The following ADAM23 variants were observed in gnomAD, a reference collection of about 807,000 sequenced individuals.
The protein encoded by ADAM23 is disintegrin and metalloproteinase domain-containing protein 23.
In ADAM23, 33 loss-of-function variants were observed where a neutral mutation model predicts 120.1. The observed-to-expected ratio is 0.27, with a 90% CI of 0.21 to 0.37. The LOEUF is 0.37. Ranked by LOEUF, ADAM23 falls within the 10% of genes least tolerant of loss-of-function variation. The pLI is 1.00. For synonymous variants in ADAM23, 367 were observed against 375.2 expected, an observed-to-expected ratio of 0.98 and a Z score of 0.25; for missense variants, 862 against 1,058.2, an observed-to-expected ratio of 0.81 and a Z score of 2.57.
intron 3 of ADAM23, among the ~76,000 whole-genome samples, chr2:206,500,406 A>G (rs1696363556): frequency 1.3e-5 from 2 of 152,180 alleles, no homozygotes; most frequent in East Asian, 1.9e-4. Flanking sequence ...AGCCATGATA[A>G]TGGATATTAT....
chr2:206,620,013 T>C lies in ADAM23; in HGVS notation c.*2386T>C, dbSNP rs991555249. 3 of 152,264 alleles carry C rather than the reference T, an allele frequency of 2.0e-5. No homozygotes were observed. Among genetic ancestry groups the C allele is most frequent in the Non-Finnish European group, 4.4e-5 (3 of 68,080 alleles). The allele number at this position is 152,264 out of a possible 1,614,324, so 9.4% of individuals were successfully genotyped here. A position where few individuals can be genotyped will look rare whatever the true frequency, so the allele number is the denominator to read the frequency against. ...CAGATTACTTGGTATCTTTTCCTGT[T>C]GCTGCATTGCTTAGTGTTTCCTTGT... On this transcript the variant is annotated 3_prime_UTR_variant, in exon 26 of 26. Transcript: ENST00000264377.
At chr2:206,524,047 G>A (rs142517617) in intron 3 of ADAM23, among the ~76,000 whole-genome samples, 30 of 152,146 alleles carry the variant, frequency 2.0e-4, no homozygotes, top group Middle Eastern at 3.4e-3. Flanking sequence ...GAATGTCAGC[G>A]CTCATTTAGG....
intron 9 of ADAM23, among the ~76,000 whole-genome samples, chr2:206,557,030 GCTT>G (rs1219024627): frequency 1.3e-5 from 2 of 152,070 alleles, no homozygotes; most frequent in Non-Finnish European, 2.9e-5. Flanking sequence ...TAGGTATAAA[GCTT>G]CTCATATCGA....
Position 206,477,898 on chromosome 2 carries a change from ATAT to A in ADAM23, c.433-3333_433-3331del, listed in dbSNP as rs1246537633. 9.3e-5 allele frequency among the ~76,000 whole-genome samples: 8 copies of A among 86,406 alleles called. No individual in the cohort carries two copies. In the East Asian group the frequency reaches 1.6e-3, roughly 18 times the overall value. 56.7% of individuals were successfully genotyped at this position (86,406 alleles called of 152,430 possible). Reference sequence around the variant, plus strand: ...ATTCTGTTAAAAAAAAAAAAAAAAAATATATATATATATATATATATATAAAAC... The same window carrying A: ...ATTCTGTTAAAAAAAAAAAAAAAAAAATATATATATATATATATATAAAAC... On this transcript the variant is annotated intron_variant, in intron 2 of 25. Transcript: ENST00000264377.
chr2:206,606,193 A>T (rs1698726084), intron 24 of ADAM23, among the ~76,000 whole-genome samples: 1 of 152,308 alleles, frequency 6.6e-6, no homozygotes, highest in South Asian at 2.1e-4. Context: ...CTTTTTTTTA[A>T]ACCATTTATT....
chr2:206,599,714 T>C (rs548107646), intron 24 of ADAM23, among the ~76,000 whole-genome samples: 9 of 152,368 alleles, frequency 5.9e-5, no homozygotes, highest in Admixed American at 1.3e-4. Flanking sequence ...CCATAAATAT[T>C]ACACTCTTCT....
chr2:206,506,198 G>T (rs1190540624), intron 3 of ADAM23, among the ~76,000 whole-genome samples: 1 of 152,100 alleles, frequency 6.6e-6, no homozygotes, highest in Non-Finnish European at 1.5e-5. Flanking sequence ...CAAGCCTTTT[G>T]TTTTTGCCTC....
chr2:206,591,392 C>A (rs955623299), intron 21 of ADAM23, among the ~76,000 whole-genome samples: 1 of 152,050 alleles, frequency 6.6e-6, no homozygotes, highest in Non-Finnish European at 1.5e-5. Flanking sequence ...ATCCCTAATG[C>A]TTCATGTATT....
intron 3 of ADAM23, among the ~76,000 whole-genome samples, chr2:206,520,302 G>A (rs1253066709): frequency 6.6e-6 from 1 of 152,096 alleles, no homozygotes; most frequent in Non-Finnish European, 1.5e-5. Flanking sequence ...CTTCTCCTAG[G>A]TAGGACAAAA....
At chr2:206,572,241 T>C (rs1427663797) in intron 17 of ADAM23, among the ~76,000 whole-genome samples, 1 of 152,184 alleles carries the variant, frequency 6.6e-6, no homozygotes, top group Non-Finnish European at 1.5e-5. Flanking sequence ...CATTGGGCTT[T>C]TAAAATCCCC....
At chr2:206,459,763 C>T (rs1695376136) in intron 2 of ADAM23, among the ~76,000 whole-genome samples, 1 of 152,176 alleles carries the variant, frequency 6.6e-6, no homozygotes, top group Non-Finnish European at 1.5e-5. Context: ...CAAATCCTTC[C>T]CATCTGGTTA....
intron 20 of ADAM23, among the ~76,000 whole-genome samples, chr2:206,588,909 A>G (rs1698376263): frequency 6.6e-6 from 1 of 152,250 alleles, no homozygotes; most frequent in Non-Finnish European, 1.5e-5. Context: ...CAGAGAAAAG[A>G]TAATAGACAT....
intron 2 of ADAM23, among the ~76,000 whole-genome samples, chr2:206,466,450 A>G (rs555973744): frequency 4.4e-4 from 67 of 152,332 alleles, no homozygotes; most frequent in Middle Eastern, 6.8e-3. Flanking sequence ...ATTGACTTCT[A>G]TAATTTTTTC....
chr2:206,557,980 C>G (rs1697680006), intron 10 of ADAM23, among the ~76,000 whole-genome samples: 1 of 152,108 alleles, frequency 6.6e-6, no homozygotes, highest in African/African-American at 2.4e-5. Flanking sequence ...TGTGATATTT[C>G]ATACTTGATT....
At chr2:206,522,946 C>T (rs1417468826) in intron 3 of ADAM23, among the ~76,000 whole-genome samples, 2 of 152,102 alleles carry the variant, frequency 1.3e-5, no homozygotes, top group African/African-American at 2.4e-5. Context: ...TTATCCACTT[C>T]ATATGGTCGA....
At chr2:206,466,232 C>T (rs1695540104) in intron 2 of ADAM23, among the ~76,000 whole-genome samples, 1 of 152,220 alleles carries the variant, frequency 6.6e-6, no homozygotes, top group African/African-American at 2.4e-5. Flanking sequence ...TGCATGTGAT[C>T]CATGTGGTTT....
At chr2:206,483,971 G>A (rs9288376) in intron 3 of ADAM23, among the ~76,000 whole-genome samples, 21,507 of 152,134 alleles carry the variant, frequency 0.14, 2,259 homozygotes, top group African/African-American at 0.28. Flanking sequence ...GAGCAAGTTG[G>A]CAGAGCAAGT....
At chr2:206,501,020 T>A (rs147200163) in intron 3 of ADAM23, among the ~76,000 whole-genome samples, 23 of 151,786 alleles carry the variant, frequency 1.5e-4, no homozygotes, top group African/African-American at 5.1e-4. Flanking sequence ...CTTAGTTGTG[T>A]GTAGTGTTTG....
At chr2:206,594,517 T>A (rs919960242) in intron 22 of ADAM23, among the ~76,000 whole-genome samples, 5 of 152,202 alleles carry the variant, frequency 3.3e-5, no homozygotes, top group Non-Finnish European at 7.3e-5. Flanking sequence ...TTTTTCTTGT[T>A]GATGTGTACT....
Sources: gnomAD v4.1 joint callset for allele counts (sites outside exome capture counted in the v4.1 genomes callset) on GRCh38, gnomAD v4.1.1 for gene constraint, MANE v1.5 for transcripts, NCBI Gene and HGNC (gene_info 2026-07-23, HGNC 2026-07-21) for gene names.